Variants in CNTN4 observed in about 807,000 individuals in gnomAD.
CNTN4 encodes the protein contactin 4.
A neutral mutation model predicts 122.5 loss-of-function variants in CNTN4; 77 were observed. The ratio of observed to expected loss-of-function variants is 0.63; its 90% CI spans 0.52 to 0.76. The LOEUF is 0.76. Ranked by LOEUF, CNTN4 falls within the 30% of genes least tolerant of loss-of-function variation. The pLI is 0.00. For missense variants in CNTN4, 1,256 were observed against 1,259.1 expected, an observed-to-expected ratio of 1.00 and a Z score of 0.04; for synonymous variants, 512 against 447.0, an observed-to-expected ratio of 1.15 and a Z score of -1.83.
chr3:2,264,044 T>C (rs1040883511), intron 2 of CNTN4, among the ~76,000 whole-genome samples: 47 of 152,312 alleles, frequency 3.1e-4, no homozygotes, highest in African/African-American at 1.1e-3. Context: ...ATTCCATATC[T>C]TGGCTATTAT....
At chr3:3,020,618 T>A (rs1177461705) in intron 14 of CNTN4, among the ~76,000 whole-genome samples, 1 of 152,162 alleles carries the variant, frequency 6.6e-6, no homozygotes, top group Non-Finnish European at 1.5e-5. Flanking sequence ...TGGAGATTCA[T>A]GTTCTTCTGT....
chr3:2,268,776 C>A (rs1181480250), intron 2 of CNTN4, among the ~76,000 whole-genome samples: 2 of 152,102 alleles, frequency 1.3e-5, no homozygotes, highest in African/African-American at 4.8e-5. Flanking sequence ...TTATCAGCCA[C>A]CTGCATGCAA....
intron 3 of CNTN4, among the ~76,000 whole-genome samples, chr3:2,456,246 A>G (rs2048994815): frequency 1.3e-5 from 2 of 152,022 alleles, no homozygotes; most frequent in African/African-American, 4.8e-5. Flanking sequence ...TCACTGTGAT[A>G]AGAGTAGCAG....
At chr3:2,698,052 T>A (rs2086146522) in intron 4 of CNTN4, among the ~76,000 whole-genome samples, 1 of 152,190 alleles carries the variant, frequency 6.6e-6, no homozygotes, top group Admixed American at 6.5e-5. Flanking sequence ...AGTTAACACA[T>A]GAAATTAATC....
In CNTN4 at chr3:2,355,926, C is replaced by T. The variant is rs186139978; in HGVS notation, c.-89+16693C>T. 1.7e-3 allele frequency among the ~76,000 whole-genome samples: 266 copies of T among 152,286 alleles called. 4 individuals are homozygous for T. Among genetic ancestry groups the T allele is most frequent in the Non-Finnish European group, 2.9e-4 (20 of 68,026 alleles). On this transcript the variant is annotated intron_variant, in intron 3 of 24. Transcript: ENST00000418658. The stretch of plus-strand genomic sequence containing the variant: ...AAATTGTAGCAGGGGCAGGGTTTAT[C>T]CCTGGTTAGTATATAACAACACCGG...
chr3:2,264,857 T>C (rs1383631275), intron 2 of CNTN4, among the ~76,000 whole-genome samples: 1 of 152,138 alleles, frequency 6.6e-6, no homozygotes, highest in Non-Finnish European at 1.5e-5. Flanking sequence ...ACACTATTTT[T>C]TAAATTTATT....
At chr3:2,233,053 A>G (rs2039548614) in intron 2 of CNTN4, among the ~76,000 whole-genome samples, 1 of 152,190 alleles carries the variant, frequency 6.6e-6, no homozygotes, top group Non-Finnish European at 1.5e-5. Context: ...GGCGCCTGTT[A>G]AGAGCAGTCA....
At chr3:2,523,254 A>T (rs894428866) in intron 3 of CNTN4, among the ~76,000 whole-genome samples, 1 of 151,178 alleles carries the variant, frequency 6.6e-6, no homozygotes, top group African/African-American at 2.4e-5. Flanking sequence ...CTTTTCTAAT[A>T]TATGCATTCT....
At chr3:3,038,598 C>A (rs772386019) in intron 18 of CNTN4, among the ~76,000 whole-genome samples, 5 of 152,178 alleles carry the variant, frequency 3.3e-5, no homozygotes, top group Non-Finnish European at 7.3e-5. Context: ...GGCTCATAAA[C>A]GCATAACCAA....
At chr3:2,902,153 T>C (rs777862778) in intron 11 of CNTN4, among the ~76,000 whole-genome samples, 1 of 152,146 alleles carries the variant, frequency 6.6e-6, no homozygotes, top group African/African-American at 2.4e-5. Flanking sequence ...AACTAGTACC[T>C]CTTTATATAT....
At chr3:2,953,006 C>T (rs903611269) in intron 13 of CNTN4, among the ~76,000 whole-genome samples, 1 of 152,212 alleles carries the variant, frequency 6.6e-6, no homozygotes, top group Non-Finnish European at 1.5e-5. Flanking sequence ...GGAACTAAAG[C>T]TCATCAACAT....
At chr3:2,126,713 C>A (rs1211352043) in intron 2 of CNTN4, among the ~76,000 whole-genome samples, 1 of 152,122 alleles carries the variant, frequency 6.6e-6, no homozygotes, top group Non-Finnish European at 1.5e-5. Flanking sequence ...AACTTCAAAC[C>A]TGTTTGAAAA....
At chr3:2,468,514 C>T (rs978447956) in intron 3 of CNTN4, among the ~76,000 whole-genome samples, 12 of 152,092 alleles carry the variant, frequency 7.9e-5, no homozygotes, top group Non-Finnish European at 1.3e-4. Flanking sequence ...CAGAGTCTTA[C>T]GGTAGGCTGT....
intron 6 of CNTN4, among the ~76,000 whole-genome samples, chr3:2,808,635 A>C (rs1249123075): frequency 3.3e-5 from 5 of 152,130 alleles, no homozygotes; most frequent in Admixed American, 2.6e-4. Context: ...TCATGTTTTC[A>C]TCATCTCTGG....
intron 4 of CNTN4, among the ~76,000 whole-genome samples, chr3:2,661,434 A>G (rs2083886476): frequency 6.6e-6 from 1 of 152,100 alleles, no homozygotes; most frequent in Non-Finnish European, 1.5e-5. Flanking sequence ...CTTTTTCCAA[A>G]ACATGCTCGA....
At chr3:2,751,668 C>A (rs1576660190) in intron 6 of CNTN4, among the ~76,000 whole-genome samples, 2 of 152,188 alleles carry the variant, frequency 1.3e-5, no homozygotes, top group South Asian at 2.1e-4. Flanking sequence ...GCTATAGCTC[C>A]ATCACCCTAG....
At chr3:2,125,532 T>G (rs2034089444) in intron 2 of CNTN4, among the ~76,000 whole-genome samples, 2 of 151,542 alleles carry the variant, frequency 1.3e-5, no homozygotes, top group Admixed American at 6.6e-5. Context: ...CACAGATTTC[T>G]ATGAAGATTT....
chr3:2,765,132 A>G (rs1157396347), intron 6 of CNTN4, among the ~76,000 whole-genome samples: 4 of 152,362 alleles, frequency 2.6e-5, no homozygotes, highest in South Asian at 4.1e-4. Flanking sequence ...CGTACTGTCA[A>G]CTAAACTCCA....
rs558401030 is a variant in CNTN4, at chr3:2,823,794, T to A, written c.454+4213T>A. On this transcript the variant is annotated intron_variant, in intron 7 of 24. Transcript: ENST00000418658. ...CAATAAAATCCTCACAAACTGTTCA[T>A]CAAGAGAGGTTTTTGTTCATGCCTT... Among the ~76,000 whole-genome samples the A allele has an allele frequency of 2.6e-5, 4 of 152,276 alleles. No homozygotes were observed. In the South Asian group the frequency reaches 8.3e-4, roughly 32 times the overall value.
Sources: gnomAD v4.1 joint callset for allele counts (sites outside exome capture counted in the v4.1 genomes callset) on GRCh38, gnomAD v4.1.1 for gene constraint, MANE v1.5 for transcripts, NCBI Gene and HGNC (gene_info 2026-07-23, HGNC 2026-07-21) for gene names.